Variants in CACNA2D1 observed in about 807,000 individuals in gnomAD.
CACNA2D1 encodes calcium voltage-gated channel auxiliary subunit alpha2delta 1.
Under a neutral mutation model 171.5 loss-of-function variants are expected in CACNA2D1, and 53 were observed. The observed-to-expected ratio is 0.31, with a 90% CI of 0.25 to 0.39. The LOEUF is 0.39. Ranked by LOEUF, CACNA2D1 falls within the 10% of genes least tolerant of loss-of-function variation. The pLI is 1.00. For missense variants in CACNA2D1, 903 were observed against 1,299.8 expected (o/e 0.69, Z 4.69); for synonymous variants, 442 against 443.1 (o/e 1.00, Z 0.03).
At chr7:82,226,765 T>C (rs947844930) in intron 3 of CACNA2D1, among the ~76,000 whole-genome samples, 3 of 152,250 alleles carry the variant, frequency 2.0e-5, no homozygotes, top group Non-Finnish European at 4.4e-5. Flanking sequence ...AGCGACTGTT[T>C]TTCTTGCATC....
intron 3 of CACNA2D1, among the ~76,000 whole-genome samples, chr7:82,196,915 C>T (rs1049067467): frequency 1.3e-5 from 2 of 151,536 alleles, no homozygotes; most frequent in African/African-American, 4.8e-5. Flanking sequence ...AAATAATACA[C>T]TTCTTTGGGG....
At chr7:82,413,010 T>C (rs1012763468) in intron 1 of CACNA2D1, among the ~76,000 whole-genome samples, 2 of 152,182 alleles carry the variant, frequency 1.3e-5, no homozygotes, top group Admixed American at 6.5e-5. Flanking sequence ...TGCTAAATTC[T>C]CTTAACTGTA....
At chr7:82,214,134 C>T (rs1800856996) in intron 3 of CACNA2D1, among the ~76,000 whole-genome samples, 1 of 152,132 alleles carries the variant, frequency 6.6e-6, no homozygotes, top group South Asian at 2.1e-4. Context: ...CCAAAGGCCC[C>T]ACTCTTTAAT....
At chr7:82,040,721 T>C (rs1803851132) in intron 10 of CACNA2D1, among the ~76,000 whole-genome samples, 1 of 152,080 alleles carries the variant, frequency 6.6e-6, no homozygotes, top group Non-Finnish European at 1.5e-5. Flanking sequence ...AGACCAGTAA[T>C]CCCAGCATTT....
intron 3 of CACNA2D1, among the ~76,000 whole-genome samples, chr7:82,272,135 CAGAT>C (rs776512425): frequency 2.0e-5 from 3 of 152,030 alleles, no homozygotes; most frequent in Non-Finnish European, 4.4e-5. Flanking sequence ...CTCTAAAAGA[CAGAT>C]ATTCTATAAA....
chr7:81,972,442 C>T (rs374850540), intron 25 of CACNA2D1, among the ~76,000 whole-genome samples: 1 of 151,540 alleles, frequency 6.6e-6, no homozygotes, highest in Non-Finnish European at 1.5e-5. Flanking sequence ...AATTCAGTGC[C>T]GCATATCGAG....
intron 1 of CACNA2D1, among the ~76,000 whole-genome samples, chr7:82,403,050 C>G (rs1324147301): frequency 6.6e-6 from 1 of 151,782 alleles, no homozygotes; most frequent in Non-Finnish European, 1.5e-5. Flanking sequence ...AATGGAAGGG[C>G]ATAAAAAGGG....
intron 38 of CACNA2D1, among the ~76,000 whole-genome samples, chr7:81,956,669 C>T (rs928354521): frequency 8.5e-5 from 13 of 152,062 alleles, no homozygotes; most frequent in African/African-American, 2.9e-4. Context: ...ATTCTACTCC[C>T]CACCCTCTAT....
chr7:81,968,815 G>T (rs112039660), intron 29 of CACNA2D1, 72 bp downstream of exon 29: 1 of 849,176 alleles, frequency 1.2e-6, no homozygotes, highest in Non-Finnish European at 2.0e-6. Flanking sequence ...GATAAACATT[G>T]CCAGTTTATA....
chr7:82,259,049 G>C (rs1433140327), intron 3 of CACNA2D1, among the ~76,000 whole-genome samples: 1 of 152,126 alleles, frequency 6.6e-6, no homozygotes. Context: ...GGCTGGTCTT[G>C]AAATCCTGAC....
At chr7:81,958,996 T>C (rs1033060154) in intron 38 of CACNA2D1, among the ~76,000 whole-genome samples, 2 of 152,022 alleles carry the variant, frequency 1.3e-5, no homozygotes, top group African/African-American at 2.4e-5. Flanking sequence ...GCAACAAATA[T>C]ACCATAATTA....
intron 3 of CACNA2D1, among the ~76,000 whole-genome samples, chr7:82,190,264 A>G (rs1288461104): frequency 6.6e-6 from 1 of 151,870 alleles, no homozygotes; most frequent in Non-Finnish European, 1.5e-5. Flanking sequence ...TGAGGAATTT[A>G]GTTTATCAAT....
intron 3 of CACNA2D1, among the ~76,000 whole-genome samples, chr7:82,217,394 C>CACATATATATATAT (rs1801241950): frequency 9.8e-6 from 1 of 102,546 alleles, no homozygotes; most frequent in Non-Finnish European, 1.8e-5. Context: ...CACACACATA[C>CACATATATATATAT]ATATATATAT....
At chr7:82,411,639 C>G (rs1438363821) in intron 1 of CACNA2D1, among the ~76,000 whole-genome samples, 1 of 152,102 alleles carries the variant, frequency 6.6e-6, no homozygotes, top group Non-Finnish European at 1.5e-5. Context: ...ATTCTCCATA[C>G]AGGTATGCGG....
At chr7:82,069,028 T>C (rs1808000350) in intron 7 of CACNA2D1, among the ~76,000 whole-genome samples, 1 of 152,174 alleles carries the variant, frequency 6.6e-6, no homozygotes, top group African/African-American at 2.4e-5. Flanking sequence ...CTTTCTGAGA[T>C]ATTTACTCTT....
rs1013910702 is a variant in CACNA2D1 at position 82,177,592 on chromosome 7, G to A, written c.295-6983C>T. On this transcript the variant is annotated intron_variant, in intron 3 of 38. Transcript: ENST00000356860. Reference sequence around the variant, plus strand: ...AAAACCCCTCAGGGAAACTAAGCTGGAGCCATTTCTAAGATTTTTTTCAGC... The same window carrying A: ...AAAACCCCTCAGGGAAACTAAGCTGAAGCCATTTCTAAGATTTTTTTCAGC... Among the ~76,000 whole-genome samples, 3 of 139,658 alleles carry A rather than the reference G, an allele frequency of 2.1e-5. No homozygotes were observed. The East Asian group carries it at 6.6e-4, about 31-fold the overall frequency. 91.6% of individuals were successfully genotyped at this position (139,658 alleles called of 152,430 possible).
At chr7:82,300,346 C>A (rs549271473) in intron 3 of CACNA2D1, among the ~76,000 whole-genome samples, 7 of 151,782 alleles carry the variant, frequency 4.6e-5, no homozygotes, top group South Asian at 2.1e-4. Context: ...GGACTCATAG[C>A]CCTTAATAGG....
intron 6 of CACNA2D1, among the ~76,000 whole-genome samples, chr7:82,099,267 T>C (rs1812324257): frequency 6.6e-6 from 1 of 152,108 alleles, no homozygotes; most frequent in African/African-American, 2.4e-5. Flanking sequence ...GAGACATCAG[T>C]CTTCAATTTT....
chr7:82,008,784 ATATT>A (rs1233673103), intron 15 of CACNA2D1, among the ~76,000 whole-genome samples: 3 of 152,148 alleles, frequency 2.0e-5, no homozygotes, highest in African/African-American at 7.2e-5. Context: ...AACATTAAAA[ATATT>A]TATTAATATC....
Sources: gnomAD v4.1 joint callset for allele counts (sites outside exome capture counted in the v4.1 genomes callset) on GRCh38, gnomAD v4.1.1 for gene constraint, MANE v1.5 for transcripts, NCBI Gene and HGNC (gene_info 2026-07-23, HGNC 2026-07-21) for gene names.